DYNAP: variants seen among roughly 807,000 people sequenced by gnomAD.
The protein encoded by DYNAP is dynactin-associated protein.
A neutral mutation model predicts 8.5 loss-of-function variants in DYNAP; 7 were observed. The observed-to-expected ratio is 0.82, with a 90% confidence interval of 0.47 to 1.54. DYNAP has a LOEUF of 1.54. Ranked by LOEUF, DYNAP falls within the 40% of genes most tolerant of loss-of-function variation. The pLI, the probability that DYNAP is intolerant of heterozygous loss-of-function variation, is 0.01. For missense variants in DYNAP, 256 were observed against 224.3 expected, an observed-to-expected ratio of 1.14 and a Z score of -0.90; for synonymous variants, 77 against 77.9, an observed-to-expected ratio of 0.99 and a Z score of 0.06.
At chr18:54,583,987 C>T (rs780770975), upstream of DYNAP, among the ~76,000 whole-genome samples, 6 of 151,606 alleles carry the variant, frequency 4.0e-5, no homozygotes, top group Non-Finnish European at 7.4e-5. Context: ...AAAAGAAAGA[C>T]TAACAACTCC....
At chr18:54,586,964 T>C (rs1910902739), upstream of DYNAP, among the ~76,000 whole-genome samples, 1 of 152,232 alleles carries the variant, frequency 6.6e-6, no homozygotes, top group African/African-American at 2.4e-5. Context: ...TTCTTCTTTT[T>C]TCAAATATAC....
upstream of DYNAP, among the ~76,000 whole-genome samples, chr18:54,585,404 G>A (rs1362089158): frequency 1.3e-5 from 2 of 151,708 alleles, no homozygotes; most frequent in African/African-American, 4.8e-5. Flanking sequence ...AGTTAATACC[G>A]ATTTTCATTC....
the DYNAP span, among the ~76,000 whole-genome samples, chr18:54,579,588 GA>G: frequency 1.3e-5 from 2 of 152,202 alleles, no homozygotes; most frequent in African/African-American, 4.8e-5. Context: ...AGTGAGTGGA[GA>G]AGCATTTTTC....
chr18:54,585,819 C>T (rs72937193), upstream of DYNAP, among the ~76,000 whole-genome samples: 3,821 of 152,270 alleles, frequency 0.025, 88 homozygotes, highest in Admixed American at 0.074. Context: ...GCTCCAGCTT[C>T]GTGAGCTCTC....
upstream of DYNAP, among the ~76,000 whole-genome samples, chr18:54,587,297 G>A (rs185141863): frequency 1.2e-4 from 19 of 152,240 alleles, no homozygotes; most frequent in African/African-American, 4.6e-4. Flanking sequence ...CACAACTGGA[G>A]TTCCTGCTAC....
chr18:54,583,858 C>G (rs529778190), upstream of DYNAP, among the ~76,000 whole-genome samples: 1 of 151,892 alleles, frequency 6.6e-6, no homozygotes, highest in South Asian at 2.1e-4. Context: ...TTCTGAGAAC[C>G]GATCACCTGA....
chr18:54,584,183 TACAC>T (rs1408285255), upstream of DYNAP, among the ~76,000 whole-genome samples: 3 of 151,198 alleles, frequency 2.0e-5, no homozygotes, highest in Non-Finnish European at 2.9e-5. Flanking sequence ...GTTAACAAAA[TACAC>T]ACCTGATGAT....
At chr18:54,587,256 G>C (rs985888874), upstream of DYNAP, among the ~76,000 whole-genome samples, 4 of 152,082 alleles carry the variant, frequency 2.6e-5, no homozygotes, top group East Asian at 3.9e-4. Flanking sequence ...TTAAAAAATT[G>C]TAAAATTTTA....
chr18:54,596,735 G>T (rs1911306021), intron 2 of DYNAP, among the ~76,000 whole-genome samples: 1 of 152,068 alleles, frequency 6.6e-6, no homozygotes, highest in Non-Finnish European at 1.5e-5. Context: ...AAGTTTGTGT[G>T]ATGCAGTATT....
chr18:54,580,242 C>G, the DYNAP span, among the ~76,000 whole-genome samples: 1 of 152,182 alleles, frequency 6.6e-6, no homozygotes, highest in African/African-American at 2.4e-5. Flanking sequence ...ACTTGGGCTG[C>G]AACATTTGTG....
At chr18:54,590,777 G>T (rs146008490), upstream of DYNAP, among the ~76,000 whole-genome samples, 38 of 152,242 alleles carry the variant, frequency 2.5e-4, no homozygotes, top group African/African-American at 8.9e-4. Flanking sequence ...AGTGTGAATT[G>T]CTTGAGCAAC....
At chr18:54,583,777 A>C (rs576716473), upstream of DYNAP, among the ~76,000 whole-genome samples, 3 of 152,288 alleles carry the variant, frequency 2.0e-5, no homozygotes, top group East Asian at 5.8e-4. Flanking sequence ...GCAAATCACA[A>C]ATTTTTCAGC....
upstream of DYNAP, among the ~76,000 whole-genome samples, chr18:54,583,483 A>G (rs1910783685): frequency 6.6e-6 from 1 of 152,210 alleles, no homozygotes; most frequent in Non-Finnish European, 1.5e-5. Flanking sequence ...TTGGTGTAAC[A>G]GGAGTACAGA....
intron 2 of DYNAP, among the ~76,000 whole-genome samples, chr18:54,597,200 AAT>A (rs1183139328): frequency 6.6e-6 from 1 of 152,062 alleles, no homozygotes; most frequent in Non-Finnish European, 1.5e-5. Flanking sequence ...TCTCAACAAC[AAT>A]ATGAGATGTT....
chr18:54,578,595 A>G, the DYNAP span, among the ~76,000 whole-genome samples: 1 of 152,188 alleles, frequency 6.6e-6, no homozygotes, highest in African/African-American at 2.4e-5. Flanking sequence ...TACATGGTAA[A>G]TATTGACCCC....
upstream of DYNAP, among the ~76,000 whole-genome samples, chr18:54,584,765 C>CCTTA (rs1342500727): frequency 6.6e-6 from 1 of 152,078 alleles, no homozygotes; most frequent in African/African-American, 2.4e-5. Context: ...TTAAACTGGG[C>CCTTA]AATAGGAATG....
intron 2 of DYNAP, among the ~76,000 whole-genome samples, chr18:54,596,342 G>A (rs1911287447): frequency 6.6e-6 from 1 of 152,002 alleles, no homozygotes; most frequent in Non-Finnish European, 1.5e-5. Context: ...CCAAATGCTA[G>A]GATTACAAGC....
At chr18:54,590,220 A>C (rs1911016196), upstream of DYNAP, among the ~76,000 whole-genome samples, 1 of 152,006 alleles carries the variant, frequency 6.6e-6, no homozygotes, top group South Asian at 2.1e-4. Flanking sequence ...TGTCTCTATG[A>C]TTTTGACTAT....
intron 2 of DYNAP, 94 bp from the exon 3 acceptor site, chr18:54,597,719 A>T: frequency 1.6e-6 from 2 of 1,286,088 alleles, no homozygotes; most frequent in Non-Finnish European, 2.1e-6. Flanking sequence ...GACTCAAATG[A>T]TGTTAACCCA....
Sources: allele counts gnomAD v4.1 joint callset (sites outside exome capture counted in the v4.1 genomes callset), GRCh38; gene constraint gnomAD v4.1.1; transcripts MANE v1.5; gene names NCBI Gene and HGNC (gene_info 2026-07-23, HGNC 2026-07-21).